Variants in SLC6A9 observed in about 807,000 individuals in gnomAD.
SLC6A9 encodes the protein sodium- and chloride-dependent glycine transporter 1.
Under a neutral mutation model 70.9 loss-of-function variants are expected in SLC6A9, and 31 were observed. The observed-to-expected ratio is 0.44, with a 90% confidence interval of 0.33 to 0.59. The LOEUF (loss-of-function observed/expected upper bound fraction) is 0.59. SLC6A9 is among the 20% of genes least tolerant of loss of function. The pLI is 0.04. For synonymous variants in SLC6A9, 310 were observed against 341.3 expected, an observed-to-expected ratio of 0.91 and a Z score of 1.01; for missense variants, 631 against 845.2, an observed-to-expected ratio of 0.75 and a Z score of 3.14.
intron 2 of SLC6A9, among the ~76,000 whole-genome samples, chr1:44,012,768 G>C (rs1280670605): frequency 2.6e-5 from 4 of 152,258 alleles, no homozygotes; most frequent in South Asian, 2.1e-4. Context: ...TGAGGTCAAG[G>C]AAGGTCTCCC....
At chr1:44,001,729 CTTTT>C in intron 8 of SLC6A9, 102 bp from the exon 9 acceptor site, 1 of 828,758 alleles carries the variant, frequency 1.2e-6, no homozygotes, top group South Asian at 1.7e-5. Context: ...ACCCCCAACT[CTTTT>C]TTTTTGGAGT....
At position 44,010,851 on chromosome 1, in the gene SLC6A9, C is replaced by T; in HGVS notation, c.62G>A (p.Arg21Lys). 6.2e-7 allele frequency: 1 copy of T among 1,614,260 alleles called. No homozygotes were observed. The highest frequency in any genetic ancestry group is 8.5e-7 in the Non-Finnish European group (1 of 1,180,042). The stretch of plus-strand genomic sequence containing the variant: ...GTTGCCCCGTTTGAGGTTCTGGTCC[C>T]TCTTGGTGGCCTCGCTGGGCACAGC... Reference protein sequence around the residue: ...NGAVPSEATKRDQNLKRGNWG... With the variant: ...NGAVPSEATKKDQNLKRGNWG... The change falls in exon 3 of 14, where the codon AGG (arginine) becomes AAG (lysine). Residue 21 changes from arginine to lysine, a missense_variant. Transcript: ENST00000372310.
In SLC6A9 at chr1:44,018,549, G is replaced by A. The variant is rs577853993; in HGVS notation, c.30+5699C>T. Among the ~76,000 whole-genome samples, 12 of 151,402 alleles carry A rather than the reference G, an allele frequency of 7.9e-5. No homozygotes were observed. The highest frequency in any genetic ancestry group is 5.8e-4 in the East Asian group (3 of 5,166). ...GTGGAGGTTGCAGTGAGCCGAGATC[G>A]CGCCATTGCATTCCAGCCTGGGCAG... On this transcript the variant is annotated intron_variant, in intron 2 of 13. Transcript: ENST00000372310. The surrounding 1 kb of genome is among the most constrained non-coding windows in gnomAD (Gnocchi z 4.2).
At chr1:44,030,009 G>A (rs1309308797) in intron 1 of SLC6A9, among the ~76,000 whole-genome samples, 1 of 152,206 alleles carries the variant, frequency 6.6e-6, no homozygotes, top group Non-Finnish European at 1.5e-5. Context: ...CGCTTTGTGC[G>A]GAAGCTGTCA....
chr1:44,029,791 C>A (rs112113495), intron 1 of SLC6A9, among the ~76,000 whole-genome samples: 1 of 152,202 alleles, frequency 6.6e-6, no homozygotes, highest in African/African-American at 2.4e-5. Flanking sequence ...GTTTTCTCTG[C>A]GGTCCTTGGA....
chr1:44,008,943 A>G (rs1308441764), intron 4 of SLC6A9, among the ~76,000 whole-genome samples: 5 of 147,180 alleles, frequency 3.4e-5, no homozygotes, highest in African/African-American at 1.3e-4. Context: ...GATGGTCTTG[A>G]TCTCCTGACC....
chr1:44,019,033 A>G (rs1442735617), intron 2 of SLC6A9, among the ~76,000 whole-genome samples: 2 of 152,250 alleles, frequency 1.3e-5, no homozygotes, highest in African/African-American at 4.8e-5. Flanking sequence ...TTCTCACCAT[A>G]TATAACCTTA....
At chr1:44,027,804 C>T (rs1433005998) in intron 1 of SLC6A9, among the ~76,000 whole-genome samples, 1 of 152,046 alleles carries the variant, frequency 6.6e-6, no homozygotes, top group Middle Eastern at 3.2e-3. Context: ...GGTGAAGGCC[C>T]GTCTCTACTA....
chr1:44,016,971 T>A lies in SLC6A9; in HGVS notation c.31-6089A>T. The A allele has an allele frequency of 3.5e-6, 5 of 1,446,164 alleles. No homozygotes were observed. The South Asian group carries it at 6.9e-5, about 20-fold the overall frequency. The allele number at this position is 1,446,164 out of a possible 1,614,324, so 89.6% of individuals were successfully genotyped here. ...TCCCTGGCACAGACCACTCAGCCCC[T>A]CTCCCCATCCGCAGCCCAGCCTCTC... On this transcript the variant is annotated intron_variant, in intron 2 of 13. Transcript: ENST00000372310.
In SLC6A9 at chr1:44,010,785, T is replaced by G; in HGVS notation, c.128A>C (p.Tyr43Ser). ...QIEFVLTSVGYAVGLGNVWRF... is the reference protein window; with the variant it reads ...QIEFVLTSVGSAVGLGNVWRF... ...CCAGACATTGCCCAGGCCCACGGCA[T>G]AGCCCACGCTCGTCAGTACAAACTC... The change falls in exon 3 of 14, where the codon TAT becomes TCT. Residue 43 changes from tyrosine to serine, a missense_variant. Physicochemically the swap from Tyr to Ser is moderately radical, Grantham distance 144 (BLOSUM62 -2). Coordinates refer to ENST00000372310, the MANE Select transcript of SLC6A9 (RefSeq NM_001024845.3). The G allele has an allele frequency of 6.2e-7, 1 of 1,614,188 alleles. No homozygotes were observed. The highest frequency in any genetic ancestry group is 8.5e-7 in the Non-Finnish European group (1 of 1,180,024).
chr1:44,016,456 C>T (rs1024901840), intron 2 of SLC6A9: 1 of 152,978 alleles, frequency 6.5e-6, no homozygotes, highest in Non-Finnish European at 1.5e-5. Flanking sequence ...TCTCCTCACC[C>T]TCGCTGCCAT....
At chr1:44,011,717 C>G in intron 2 of SLC6A9, 1 of 1,613,692 alleles carries the variant, frequency 6.2e-7, no homozygotes, top group Non-Finnish European at 8.5e-7. Context: ...CAGGGAGAAG[C>G]GTCACCTGCA....
At chr1:43,998,309 G>T (rs960201413) in intron 12 of SLC6A9, among the ~76,000 whole-genome samples, 6 of 152,224 alleles carry the variant, frequency 3.9e-5, no homozygotes, top group Non-Finnish European at 5.9e-5. Flanking sequence ...GAATCAGTCA[G>T]TTCTGCTCGC....
intron 4 of SLC6A9, among the ~76,000 whole-genome samples, chr1:44,009,730 G>A (rs75103201): frequency 0.051 from 7,560 of 148,900 alleles, 398 homozygotes; most frequent in African/African-American, 0.13. Context: ...GTAAGTTGGC[G>A]GGGGGTGGCG....
In SLC6A9 at chr1:44,008,459, C is replaced by T. The variant is rs200984575; in HGVS notation, c.484G>A (p.Ala162Thr). The T allele has an allele frequency of 1.5e-5, 24 of 1,614,034 alleles. No individual in the cohort carries two copies. In the African/African-American group the frequency reaches 2.3e-4, roughly 15 times the overall value. ...CGAGAGCCATTGGTGAGGTTGGAGG[C>T]GTCCAGTACACCGGCGCAGTCATGC... Reference protein sequence around the residue: ...NTHDCAGVLDASNLTNGSRPA... With the variant: ...NTHDCAGVLDTSNLTNGSRPA... The change falls in exon 5 of 14, where the codon GCC becomes ACC. Residue 162 changes from alanine (A) to threonine (T), a missense_variant. Transcript: ENST00000372310.
chr1:44,005,144 G>C (rs930735113), intron 5 of SLC6A9, among the ~76,000 whole-genome samples: 1 of 152,238 alleles, frequency 6.6e-6, no homozygotes, highest in Non-Finnish European at 1.5e-5. Context: ...ACAGAGCCAG[G>C]ATTTGGGAGG....
intron 2 of SLC6A9, among the ~76,000 whole-genome samples, chr1:44,011,303 G>GC (rs1377544815): frequency 1.3e-5 from 2 of 152,220 alleles, no homozygotes; most frequent in Admixed American, 1.3e-4. Flanking sequence ...TGTCCAGACA[G>GC]CCCCCCCACC....
intron 2 of SLC6A9, among the ~76,000 whole-genome samples, chr1:44,022,718 C>CTTTCTT (rs890961264): frequency 1.7e-5 from 1 of 59,936 alleles, no homozygotes. Context: ...TTCTTTCTTT[C>CTTTCTT]TTTCTTTTTT....
intron 3 of SLC6A9, chr1:44,010,461 G>GGGC: frequency 9.2e-6 from 2 of 216,256 alleles, no homozygotes; most frequent in Non-Finnish European, 1.8e-5. Context: ...GTGGGCGGGG[G>GGGC]GGGGGGGGGG....
Sources: allele counts gnomAD v4.1 joint callset (sites outside exome capture counted in the v4.1 genomes callset), GRCh38; gene constraint gnomAD v4.1.1; non-coding constraint Gnocchi (gnomAD v3.1); transcripts MANE v1.5; gene names NCBI Gene and HGNC (gene_info 2026-07-23, HGNC 2026-07-21).